The following NMNAT2 variants were observed in gnomAD, a reference collection of about 807,000 sequenced individuals.
NMNAT2 encodes nicotinamide/nicotinic acid mononucleotide adenylyltransferase 2.
NMNAT2 carries 11 observed loss-of-function variants against 41.6 expected under a neutral mutation model. The observed-to-expected ratio is 0.26, with a 90% CI of 0.17 to 0.44. The LOEUF is 0.44. NMNAT2 is among the 20% of genes least tolerant of loss of function. NMNAT2 has a pLI of 1.00. For missense variants in NMNAT2, 288 were observed against 407.7 expected, an observed-to-expected ratio of 0.71 and a Z score of 2.53; for synonymous variants, 148 against 151.2, an observed-to-expected ratio of 0.98 and a Z score of 0.16.
At chr1:183,269,215 C>T (rs891673045) in intron 8 of NMNAT2, among the ~76,000 whole-genome samples, 33 of 152,088 alleles carry the variant, frequency 2.2e-4, no homozygotes, top group Admixed American at 2.2e-3. Flanking sequence ...CCAATGAGGC[C>T]ACAGCTAGTA....
intron 10 of NMNAT2, among the ~76,000 whole-genome samples, chr1:183,254,443 T>C (rs200991374): frequency 1.5e-4 from 23 of 149,990 alleles, no homozygotes; most frequent in Non-Finnish European, 3.0e-4. Context: ...TGTTTGTTTG[T>C]TTGCTTTTTG....
chr1:183,399,096 A>T (rs539013905), intron 1 of NMNAT2, among the ~76,000 whole-genome samples: 2 of 152,134 alleles, frequency 1.3e-5, no homozygotes, highest in East Asian at 1.9e-4. Context: ...ACACAAAAAA[A>T]CCTTCAAAAA....
intron 1 of NMNAT2, among the ~76,000 whole-genome samples, chr1:183,321,677 G>T (rs1662358480): frequency 6.6e-6 from 1 of 151,858 alleles, no homozygotes. Flanking sequence ...GGGAGGTAGA[G>T]ATTGCAAGAT....
intron 10 of NMNAT2, among the ~76,000 whole-genome samples, chr1:183,253,780 G>A (rs745611445): frequency 6.6e-6 from 1 of 152,154 alleles, no homozygotes; most frequent in Non-Finnish European, 1.5e-5. Flanking sequence ...ACATATAAGT[G>A]AAATCATGCA....
chr1:183,380,288 C>T (rs1002522601), intron 1 of NMNAT2, among the ~76,000 whole-genome samples: 3 of 152,158 alleles, frequency 2.0e-5, no homozygotes, highest in African/African-American at 7.2e-5. Flanking sequence ...ATTTATTTTA[C>T]TTTCCTACCC....
At chr1:183,347,729 C>T (rs1662963423) in intron 1 of NMNAT2, among the ~76,000 whole-genome samples, 1 of 152,134 alleles carries the variant, frequency 6.6e-6, no homozygotes, top group South Asian at 2.1e-4. Flanking sequence ...AACAGCTGTG[C>T]AGCATATAGC....
At chr1:183,373,323 C>T (rs1375078458) in intron 1 of NMNAT2, among the ~76,000 whole-genome samples, 1 of 152,202 alleles carries the variant, frequency 6.6e-6, no homozygotes, top group Non-Finnish European at 1.5e-5. Flanking sequence ...ACTGAGAGGC[C>T]TGATTGCAAA....
intron 1 of NMNAT2, among the ~76,000 whole-genome samples, chr1:183,407,940 A>T (rs1391976688): frequency 6.6e-6 from 1 of 152,236 alleles, no homozygotes; most frequent in Non-Finnish European, 1.5e-5. Context: ...TTGTGAATCA[A>T]TGTCCACTGT....
intron 1 of NMNAT2, among the ~76,000 whole-genome samples, chr1:183,367,573 G>T (rs1192129609): frequency 6.6e-6 from 1 of 152,094 alleles, no homozygotes; most frequent in Non-Finnish European, 1.5e-5. Flanking sequence ...AATAATAGAA[G>T]CCCAGTGCAA....
chr1:183,410,222 C>T (rs1649079542), intron 1 of NMNAT2, among the ~76,000 whole-genome samples: 4 of 151,278 alleles, frequency 2.6e-5, no homozygotes, highest in Admixed American at 2.6e-4. Flanking sequence ...ACTCTGGAGG[C>T]TGAGGCATGA....
At chr1:183,353,132 A>G (rs780641290) in intron 1 of NMNAT2, among the ~76,000 whole-genome samples, 1 of 151,954 alleles carries the variant, frequency 6.6e-6, no homozygotes, top group Non-Finnish European at 1.5e-5. Context: ...TTAGCCTCCC[A>G]AGTAGCTGGG....
chr1:183,337,866 G>C (rs2102342829), intron 1 of NMNAT2, among the ~76,000 whole-genome samples: 1 of 152,248 alleles, frequency 6.6e-6, no homozygotes, highest in South Asian at 2.1e-4. Flanking sequence ...GTAGAGAGAG[G>C]CCTGTGCTGT....
intron 1 of NMNAT2, among the ~76,000 whole-genome samples, chr1:183,332,827 A>G (rs1035021675): frequency 6.6e-6 from 1 of 152,188 alleles, no homozygotes; most frequent in African/African-American, 2.4e-5. Flanking sequence ...AGCCTCGCCC[A>G]GGTCGGGGTG....
At chr1:183,354,383 T>C (rs1309028073) in intron 1 of NMNAT2, among the ~76,000 whole-genome samples, 1 of 151,776 alleles carries the variant, frequency 6.6e-6, no homozygotes, top group Non-Finnish European at 1.5e-5. Context: ...AATTTAATCT[T>C]ACTTGCCTGT....
chr1:183,266,880 G>T, intron 8 of NMNAT2: 2 of 159,098 alleles, frequency 1.3e-5, no homozygotes, highest in South Asian at 1.6e-4. Flanking sequence ...AGGCTGATGT[G>T]AAGACTACCA....
intron 1 of NMNAT2, among the ~76,000 whole-genome samples, chr1:183,381,118 A>G (rs984070891): frequency 2.6e-5 from 4 of 152,158 alleles, no homozygotes; most frequent in African/African-American, 9.7e-5. Flanking sequence ...GAAAATCTCT[A>G]GGAAGGGTCA....
chr1:183,358,274 G>A (rs1213549762), intron 1 of NMNAT2, among the ~76,000 whole-genome samples: 2 of 152,192 alleles, frequency 1.3e-5, no homozygotes, highest in Non-Finnish European at 1.5e-5. Flanking sequence ...GTCAGAGGGT[G>A]GAGGGTGGGA....
chr1:183,355,532 T>A (rs1663164741), intron 1 of NMNAT2, among the ~76,000 whole-genome samples: 1 of 152,236 alleles, frequency 6.6e-6, no homozygotes, highest in Non-Finnish European at 1.5e-5. Flanking sequence ...GCAAACTGAT[T>A]GACATCCGTC....
intron 7 of NMNAT2, among the ~76,000 whole-genome samples, chr1:183,280,608 A>G (rs532123481): frequency 8.6e-5 from 13 of 151,630 alleles, no homozygotes; most frequent in South Asian, 8.4e-4. Context: ...GGCAGTTCTC[A>G]AACTCCTGAC....
Sources: allele counts gnomAD v4.1 joint callset (sites outside exome capture counted in the v4.1 genomes callset), GRCh38; gene constraint gnomAD v4.1.1; transcripts MANE v1.5; gene names NCBI Gene and HGNC (gene_info 2026-07-23, HGNC 2026-07-21).